ROBO2: variants seen among roughly 807,000 people sequenced by gnomAD.
The protein encoded by ROBO2 is roundabout homolog 2.
Under a neutral mutation model 160.8 loss-of-function variants are expected in ROBO2, and 53 were observed. That is an observed-to-expected ratio of 0.33 (90% CI 0.26 to 0.41). The LOEUF (loss-of-function observed/expected upper bound fraction) is 0.41, where lower values mean the gene tolerates loss of function less well. Among genes scored for constraint, ROBO2 ranks in the 10% least tolerant of loss-of-function variants. The pLI is 1.00. For missense variants in ROBO2, 1,577 were observed against 1,722.4 expected (o/e 0.92, Z 1.49); for synonymous variants, 664 against 611.7 (o/e 1.09, Z -1.26).
intron 6 of ROBO2, among the ~76,000 whole-genome samples, chr3:77,526,615 G>A (rs193112531): frequency 6.6e-6 from 1 of 151,592 alleles, no homozygotes; most frequent in Admixed American, 6.6e-5. Context: ...AAGCCCATGT[G>A]TATCTCTTAC....
chr3:77,205,201 C>T (rs1023917911), intron 2 of ROBO2, among the ~76,000 whole-genome samples: 1 of 152,222 alleles, frequency 6.6e-6, no homozygotes, highest in African/African-American at 2.4e-5. Flanking sequence ...GAATTCTTGT[C>T]CAGTGTCCCA....
intron 2 of ROBO2, among the ~76,000 whole-genome samples, chr3:77,267,268 A>C (rs59818499): frequency 0.023 from 3,477 of 152,312 alleles, 131 homozygotes; most frequent in African/African-American, 0.079. Context: ...TAGTTGTTTT[A>C]TTGCGGACAG....
chr3:77,525,542 C>A (rs752579957), intron 6 of ROBO2, among the ~76,000 whole-genome samples: 7 of 150,892 alleles, frequency 4.6e-5, no homozygotes, highest in Admixed American at 1.3e-4. Flanking sequence ...CATTTTCATT[C>A]TAATCAATTA....
rs181299593 is a variant in ROBO2, at chr3:77,438,018, T to C, written c.389-39396T>C. On this transcript the variant is annotated intron_variant, in intron 2 of 25. Coordinates refer to ENST00000461745, the Ensembl canonical transcript of ROBO2. Reference sequence around the variant, plus strand: ...AATAACGATAATAACTATAATACCATATACATGATTAATAGGAGGTTTTTA... The same window carrying C: ...AATAACGATAATAACTATAATACCACATACATGATTAATAGGAGGTTTTTA... 2.1e-3 allele frequency among the ~76,000 whole-genome samples: 323 copies of C among 152,102 alleles called. 1 individual carries two copies. Among genetic ancestry groups the C allele is most frequent in the Non-Finnish European group, 2.9e-3 (199 of 67,918 alleles).
intron 2 of ROBO2, among the ~76,000 whole-genome samples, chr3:76,214,388 G>A (rs1703355617): frequency 6.6e-6 from 1 of 152,180 alleles, no homozygotes; most frequent in Admixed American, 6.5e-5. Flanking sequence ...GGAAGCACAA[G>A]GGGTCAGGGA....
intron 2 of ROBO2, among the ~76,000 whole-genome samples, chr3:76,573,770 G>C: frequency 6.6e-6 from 1 of 152,068 alleles, no homozygotes; most frequent in East Asian, 1.9e-4. Context: ...TGCAGAAGAA[G>C]CATTTGGTGG....
intron 2 of ROBO2, among the ~76,000 whole-genome samples, chr3:76,092,592 A>G (rs751725689): frequency 6.0e-4 from 92 of 152,170 alleles, no homozygotes; most frequent in Non-Finnish European, 1.0e-3. Flanking sequence ...CTCTCTGGGT[A>G]CCCGCAGTTA....
chr3:76,148,990 A>G (rs558045867), intron 2 of ROBO2, among the ~76,000 whole-genome samples: 1 of 152,150 alleles, frequency 6.6e-6, no homozygotes, highest in South Asian at 2.1e-4. Flanking sequence ...CCTGAGCTCT[A>G]GTTATAACTC....
In ROBO2 at chr3:75,946,105, G is replaced by T. The variant is rs1303132577; in HGVS notation, c.109+8503G>T. On this transcript the variant is annotated intron_variant, in intron 2 of 26. Transcript: ENST00000487694. ...CTACCAGGAAAAAAATTGATCGTAT[G>T]CTGCTTTACTTTAATGCTTTGCTTT... is the stretch of plus-strand genomic sequence containing the variant. Among the ~76,000 whole-genome samples, 3 of 152,164 alleles carry T rather than the reference G, an allele frequency of 2.0e-5. No individual in the cohort carries two copies. In the East Asian group the frequency reaches 5.8e-4, roughly 29 times the overall value.
At chr3:76,677,958 CTTTTTTTTTTTTT>C (rs1169307424) in intron 2 of ROBO2, among the ~76,000 whole-genome samples, 4 of 29,398 alleles carry the variant, frequency 1.4e-4, no homozygotes, top group East Asian at 1.6e-3. Context: ...AGAAAATATG[CTTTTTTTTTTTTT>C]TTTTTTTTTT....
chr3:76,934,752 A>T (rs990365357), intron 2 of ROBO2, among the ~76,000 whole-genome samples: 2 of 151,762 alleles, frequency 1.3e-5, no homozygotes, highest in African/African-American at 4.9e-5. Context: ...AAAAACAAAA[A>T]CAAAAGCAAG....
At chr3:76,531,751 T>A (rs2108064367) in intron 2 of ROBO2, among the ~76,000 whole-genome samples, 1 of 151,634 alleles carries the variant, frequency 6.6e-6, no homozygotes, top group South Asian at 2.1e-4. Context: ...ACAACAACAC[T>A]ATTTTCTTAA....
At chr3:77,010,706 T>C (rs1020355775) in intron 2 of ROBO2, among the ~76,000 whole-genome samples, 1 of 152,160 alleles carries the variant, frequency 6.6e-6, no homozygotes, top group Non-Finnish European at 1.5e-5. Flanking sequence ...AGAGGCTTTT[T>C]ATTGAACTCT....
At chr3:77,307,457 T>A (rs977351345) in intron 2 of ROBO2, among the ~76,000 whole-genome samples, 1 of 152,172 alleles carries the variant, frequency 6.6e-6, no homozygotes, top group Non-Finnish European at 1.5e-5. Flanking sequence ...TGCAGTGAAC[T>A]GGACAATCTA....
chr3:77,004,254 C>A (rs1194511012), intron 2 of ROBO2, among the ~76,000 whole-genome samples: 1 of 152,170 alleles, frequency 6.6e-6, no homozygotes, highest in Non-Finnish European at 1.5e-5. Context: ...CTTCATAGCT[C>A]TTTTGGTTGC....
At chr3:76,494,694 T>C (rs185701249) in intron 2 of ROBO2, among the ~76,000 whole-genome samples, 2 of 152,306 alleles carry the variant, frequency 1.3e-5, no homozygotes, top group East Asian at 3.9e-4. Context: ...ATAATCTTTA[T>C]GCCAAACTGG....
Position 76,036,821 on chromosome 3 carries a change from CAT to C in ROBO2, c.109+99220_109+99221del, listed in dbSNP as rs2067125542. 2.0e-5 allele frequency among the ~76,000 whole-genome samples: 3 copies of C among 152,022 alleles called. No individual in the cohort carries two copies. In the South Asian group the frequency reaches 6.2e-4, roughly 31 times the overall value. ...GCCCGGCCATTTCTCCACTTTTTCACATGTGTTTTCTCATCTATAAAATATTA... is the reference window on the plus strand; with the variant it reads ...GCCCGGCCATTTCTCCACTTTTTCACGTGTTTTCTCATCTATAAAATATTA... On this transcript the variant is annotated intron_variant, in intron 2 of 26. Coordinates refer to the ROBO2 transcript ENST00000487694.
chr3:77,550,786 G>A (rs2092890654), intron 7 of ROBO2, 32 bp from the exon 9 acceptor site: 1 of 1,610,996 alleles, frequency 6.2e-7, no homozygotes, highest in African/African-American at 1.3e-5. Flanking sequence ...AGTGGAAAAT[G>A]AATATTGATG....
chr3:77,070,390 C>A (rs2149831244), intron 1 of ROBO2, among the ~76,000 whole-genome samples: 1 of 152,188 alleles, frequency 6.6e-6, no homozygotes, highest in East Asian at 1.9e-4. Flanking sequence ...TTCACATGGA[C>A]TTTTCCACTG....
Sources: allele counts gnomAD v4.1 joint callset (sites outside exome capture counted in the v4.1 genomes callset), GRCh38; gene constraint gnomAD v4.1.1; transcripts MANE v1.5; gene names NCBI Gene and HGNC (gene_info 2026-07-23, HGNC 2026-07-21).